The following STARD13 variants were observed in gnomAD, a reference collection of about 807,000 sequenced individuals.
STARD13 encodes the protein StAR related lipid transfer domain containing 13, also known as stAR-related lipid transfer protein 13.
STARD13 carries 62 observed loss-of-function variants against 106.4 expected under a neutral mutation model. The ratio of observed to expected loss-of-function variants is 0.58; its 90% CI spans 0.48 to 0.72. The LOEUF is 0.72. STARD13 is among the 30% of genes least tolerant of loss of function. The pLI, the probability that STARD13 is intolerant of heterozygous loss-of-function variation, is 0.00. For synonymous variants in STARD13, 565 were observed against 553.0 expected (o/e 1.02, Z -0.31); for missense variants, 1,387 against 1,424.0 (o/e 0.97, Z 0.42).
the STARD13 span, among the ~76,000 whole-genome samples, chr13:33,486,870 T>G: frequency 6.6e-6 from 1 of 152,200 alleles, no homozygotes; most frequent in Non-Finnish European, 1.5e-5. Flanking sequence ...CTCATTGACC[T>G]TTAAAAAGTT....
intron 10 of STARD13, 42 bp downstream of exon 10, chr13:33,111,736 C>CA (rs1874601093): frequency 8.1e-7 from 1 of 1,227,172 alleles, no homozygotes; most frequent in Admixed American, 1.7e-5. Context: ...TATCTAGTTC[C>CA]AAGAGCTACT....
the STARD13 span, among the ~76,000 whole-genome samples, chr13:33,560,538 G>C: frequency 6.6e-6 from 1 of 151,194 alleles, no homozygotes; most frequent in African/African-American, 2.5e-5. Context: ...CTTACATCCC[G>C]TGGGTCACAA....
chr13:33,170,890 C>A (rs760661648), intron 1 of STARD13, among the ~76,000 whole-genome samples: 5 of 152,108 alleles, frequency 3.3e-5, no homozygotes, highest in Non-Finnish European at 5.9e-5. Flanking sequence ...GTTTGCCCAT[C>A]CAATTGAGGG....
At chr13:33,513,077 G>A in the STARD13 span, among the ~76,000 whole-genome samples, 1 of 152,186 alleles carries the variant, frequency 6.6e-6, no homozygotes, top group South Asian at 2.1e-4. Flanking sequence ...AGAGTTGAGT[G>A]GTTGGAACCA....
At chr13:33,134,857 G>A (rs1878838662) in intron 4 of STARD13, among the ~76,000 whole-genome samples, 3 of 152,154 alleles carry the variant, frequency 2.0e-5, no homozygotes, top group Non-Finnish European at 1.5e-5. Flanking sequence ...AGGATAAAAC[G>A]AACATAGTTC....
At chr13:33,533,776 C>T in the STARD13 span, among the ~76,000 whole-genome samples, 1 of 152,170 alleles carries the variant, frequency 6.6e-6, no homozygotes, top group Admixed American at 6.5e-5. Context: ...ATGGAGACTT[C>T]CCCAGCCACT....
In STARD13 at chr13:33,219,177, A is replaced by C. The variant is rs531705787; in HGVS notation, c.170-51555T>G. 2.0e-4 allele frequency among the ~76,000 whole-genome samples: 30 copies of C among 152,322 alleles called. 1 individual carries two copies. In the South Asian group the frequency reaches 5.0e-3, roughly 25 times the overall value. On this transcript the variant is annotated intron_variant, in intron 1 of 13. Coordinates refer to ENST00000336934, the MANE Select transcript of STARD13 (RefSeq NM_178006.4). ...GGACTGAGGGAGACGGTCACCATGC[A>C]GTACGCCACAGTTCCAGGGCATGAC...
At chr13:33,599,560 C>T in the STARD13 span, among the ~76,000 whole-genome samples, 1 of 152,118 alleles carries the variant, frequency 6.6e-6, no homozygotes, top group African/African-American at 2.4e-5. Context: ...TTGGAAGGCA[C>T]CTTGGACAAA....
the STARD13 span, among the ~76,000 whole-genome samples, chr13:33,453,013 T>A: frequency 2.6e-5 from 4 of 152,206 alleles, no homozygotes; most frequent in Non-Finnish European, 4.4e-5. Context: ...TAGCAAGAAA[T>A]CCAAATCAAG....
At chr13:33,296,821 G>T (rs1044361846) in intron 1 of STARD13, among the ~76,000 whole-genome samples, 16 of 152,266 alleles carry the variant, frequency 1.1e-4, no homozygotes, top group Admixed American at 4.6e-4. Context: ...GTTTCACCAT[G>T]TTGGCCAGGC....
At chr13:33,177,336 AC>A (rs1884621315) in intron 1 of STARD13, among the ~76,000 whole-genome samples, 1 of 152,210 alleles carries the variant, frequency 6.6e-6, no homozygotes, top group Non-Finnish European at 1.5e-5. Flanking sequence ...TGAAAAACTT[AC>A]ACACACACAG....
At chr13:33,467,806 A>G in the STARD13 span, among the ~76,000 whole-genome samples, 1 of 152,200 alleles carries the variant, frequency 6.6e-6, no homozygotes, top group South Asian at 2.1e-4. Flanking sequence ...TATATTTGAT[A>G]TTATGTCTCA....
chr13:33,575,717 C>G, the STARD13 span, among the ~76,000 whole-genome samples: 1 of 152,098 alleles, frequency 6.6e-6, no homozygotes, highest in Non-Finnish European at 1.5e-5. Context: ...CTGTGTGCTT[C>G]CCCTTTGGTC....
the STARD13 span, among the ~76,000 whole-genome samples, chr13:33,475,548 C>T: frequency 6.6e-6 from 1 of 152,146 alleles, no homozygotes; most frequent in African/African-American, 2.4e-5. Context: ...TTTTGCTTAC[C>T]TCTGATAATC....
chr13:33,629,031 A>G, the STARD13 span, among the ~76,000 whole-genome samples: 1 of 152,216 alleles, frequency 6.6e-6, no homozygotes, highest in South Asian at 2.1e-4. Flanking sequence ...CTTCTTAGCT[A>G]TGTTGAGCTT....
At chr13:33,372,898 C>T in the STARD13 span, among the ~76,000 whole-genome samples, 3 of 152,212 alleles carry the variant, frequency 2.0e-5, no homozygotes, top group South Asian at 4.2e-4. Flanking sequence ...TAGCTTTTCT[C>T]ATTTGCTACT....
chr13:33,330,037 AC>A lies in STARD13; in HGVS notation c.124+20252del, dbSNP rs1358194043. Among the ~76,000 whole-genome samples, 6 of 152,268 alleles carry A rather than the reference AC, an allele frequency of 3.9e-5. No homozygotes were observed. The East Asian group carries it at 9.7e-4, about 25-fold the overall frequency. On this transcript the variant is annotated intron_variant, in intron 1 of 5. Transcript: ENST00000567873. ...ATTTTCTTTATCTGTTCACTGCAGG[AC>A]ATTTAGGTTGTTTCCATATGTTGAC...
chr13:33,258,742 CA>C lies in STARD13; in HGVS notation c.169+26727del, dbSNP rs1890492319. 2.6e-5 allele frequency among the ~76,000 whole-genome samples: 4 copies of C among 152,332 alleles called. No individual in the cohort carries two copies. In the South Asian group the frequency reaches 8.3e-4, roughly 32 times the overall value. ...CAGGGATCAGTGCAATGGAATTCTG[CA>C]ATGCATGCTCAACTCTGGAGCCACA... On this transcript the variant is annotated intron_variant, in intron 1 of 13. Coordinates refer to ENST00000336934, the MANE Select transcript of STARD13 (RefSeq NM_178006.4).
intron 1 of STARD13, among the ~76,000 whole-genome samples, chr13:33,315,179 C>T (rs577807469): frequency 2.0e-5 from 3 of 152,152 alleles, no homozygotes; most frequent in Non-Finnish European, 4.4e-5. Context: ...ACACAGTTCC[C>T]CTCAGATACC....
Sources: gnomAD v4.1 joint callset for allele counts (sites outside exome capture counted in the v4.1 genomes callset) on GRCh38, gnomAD v4.1.1 for gene constraint, MANE v1.5 for transcripts, NCBI Gene and HGNC (gene_info 2026-07-23, HGNC 2026-07-21) for gene names.